The following WDR44 variants were observed in gnomAD, a reference collection of about 807,000 sequenced individuals.
WDR44 encodes the protein WD repeat domain 44, also known as WD repeat-containing protein 44.
In WDR44, 9 loss-of-function variants were observed where a neutral mutation model predicts 65.7. The ratio of observed to expected loss-of-function variants is 0.14; its 90% confidence interval spans 0.08 to 0.24. The LOEUF (loss-of-function observed/expected upper bound fraction) is 0.24. WDR44 is among the 10% of genes least tolerant of loss of function. WDR44 has a pLI of 1.00. For synonymous variants in WDR44, 220 were observed against 235.2 expected, an observed-to-expected ratio of 0.94 and a Z score of 0.59; for missense variants, 425 against 670.9, an observed-to-expected ratio of 0.63 and a Z score of 4.05.
chrX:118,417,605 G>A (rs981036691), intron 12 of WDR44, among the ~76,000 whole-genome samples: 2 of 111,872 alleles, frequency 1.8e-5, no homozygotes, highest in African/African-American at 6.5e-5. Flanking sequence ...TTGTCTCACA[G>A]CTCTTAAGAT....
At chrX:118,381,097 T>C (rs1250411100) in intron 2 of WDR44, among the ~76,000 whole-genome samples, 1 of 112,121 alleles carries the variant, frequency 8.9e-6, no homozygotes, top group African/African-American at 3.2e-5. Context: ...CATAATACTA[T>C]GTATACATGC....
chrX:118,396,790 A>T (rs2056869453), intron 6 of WDR44, among the ~76,000 whole-genome samples, 180 bp from the exon 7 acceptor site: 1 of 112,124 alleles, frequency 8.9e-6, no homozygotes, highest in East Asian at 2.8e-4. Flanking sequence ...TATATGCTTT[A>T]AATGAGTGCA....
At chrX:118,393,422 C>CA in intron 4 of WDR44, 151 bp downstream of exon 4, 1 of 584,189 alleles carries the variant, frequency 1.7e-6, no homozygotes, top group Admixed American at 3.9e-5. Context: ...TGAGCAACAA[C>CA]AACAAAAAAA....
In WDR44 at chrX:118,368,611, C is replaced by G. The variant is rs1192151388; in HGVS notation, c.78-9808C>G. Among the ~76,000 whole-genome samples the G allele has an allele frequency of 4.7e-5, 5 of 105,724 alleles. No homozygotes were observed. The East Asian group carries it at 1.2e-3, about 25-fold the overall frequency. 91.8% of individuals were successfully genotyped at this position (105,724 alleles called of 115,157 possible). ...ACCAAGGGCCTTTGGGAAAGGTTTGCATGACATCACAGGGCAGCTAGAGGG... is the reference window on the plus strand; with the variant it reads ...ACCAAGGGCCTTTGGGAAAGGTTTGGATGACATCACAGGGCAGCTAGAGGG... On this transcript the variant is annotated intron_variant, in intron 1 of 19. Transcript: ENST00000254029.
At chrX:118,376,442 T>C (rs2056660470) in intron 1 of WDR44, among the ~76,000 whole-genome samples, 1 of 111,640 alleles carries the variant, frequency 9.0e-6, no homozygotes, top group Non-Finnish European at 1.9e-5. Context: ...ACTTAATCTC[T>C]TGGAATCTCA....
At chrX:118,362,232 G>A (rs948966937) in intron 1 of WDR44, among the ~76,000 whole-genome samples, 1 of 112,131 alleles carries the variant, frequency 8.9e-6, no homozygotes, top group African/African-American at 3.2e-5. Flanking sequence ...TTTCTACTAC[G>A]CTTTTTGTAA....
intron 1 of WDR44, among the ~76,000 whole-genome samples, chrX:118,369,595 A>G (rs1453774133): frequency 5.7e-5 from 6 of 104,432 alleles, no homozygotes; most frequent in Non-Finnish European, 9.7e-5. Context: ...CAGCCTCCCG[A>G]GTAGCTGGGG....
chrX:118,442,529 A>G (rs371540285), intron 16 of WDR44, 36 bp from the exon 17 acceptor site: 18 of 1,150,308 alleles, frequency 1.6e-5, no homozygotes, highest in Middle Eastern at 2.4e-4. Context: ...GTACTAAAAG[A>G]TGATATTTTT....
At chrX:118,368,931 T>C (rs1262774823) in intron 1 of WDR44, among the ~76,000 whole-genome samples, 2 of 107,456 alleles carry the variant, frequency 1.9e-5, no homozygotes, top group Non-Finnish European at 3.8e-5. Flanking sequence ...TTTCGCCACA[T>C]TGGCCAGGCT....
At chrX:118,379,048 A>G (rs920795288) in intron 2 of WDR44, among the ~76,000 whole-genome samples, 6 of 109,504 alleles carry the variant, frequency 5.5e-5, no homozygotes, top group African/African-American at 2.0e-4. Context: ...CACCTCAAAA[A>G]AAAAAGCAAA....
At chrX:118,353,222 C>T (rs1395357278) in intron 1 of WDR44, among the ~76,000 whole-genome samples, 1 of 111,642 alleles carries the variant, frequency 9.0e-6, no homozygotes, top group Non-Finnish European at 1.9e-5. Context: ...TCCCTTATTT[C>T]AAACTCAGCA....
At chrX:118,398,097 CATG>C (rs1199945829) in intron 7 of WDR44, among the ~76,000 whole-genome samples, 3 of 111,302 alleles carry the variant, frequency 2.7e-5, no homozygotes, top group Admixed American at 9.6e-5. Context: ...ATTAGCCAGA[CATG>C]GTGGTGTGCG....
intron 19 of WDR44, among the ~76,000 whole-genome samples, chrX:118,445,728 A>G (rs1189318602): frequency 8.9e-6 from 1 of 112,301 alleles, no homozygotes; most frequent in African/African-American, 3.2e-5. Context: ...TTGAGTGCCA[A>G]TCAGTTATAT....
At chrX:118,386,419 A>AC (rs1170658098) in intron 2 of WDR44, 1 of 354,319 alleles carries the variant, frequency 2.8e-6, no homozygotes, top group Non-Finnish European at 5.5e-6. Context: ...ATATATATGT[A>AC]CGTATGTGTA....
In WDR44 at chrX:118,443,463, T is replaced by C. The variant is rs998412632; in HGVS notation, c.2385-97T>C. The C allele has an allele frequency of 3.3e-5, 33 of 1,014,253 alleles. No individual in the cohort carries two copies. In the African/African-American group the frequency reaches 4.9e-4, roughly 15 times the overall value. 83.6% of individuals were successfully genotyped at this position (1,014,253 alleles called of 1,213,427 possible). A position where few individuals can be genotyped will look rare whatever the true frequency, so the allele number is the denominator to read the frequency against. On this transcript the variant is annotated intron_variant, in intron 17 of 19. Transcript: ENST00000254029. The stretch of plus-strand genomic sequence containing the variant: ...ATTCAACAAGACCCTTCAAGTGTTA[T>C]TTTAGGTATCACAAAGTAGGAAGCA...
chrX:118,367,709 A>G (rs1378069137), intron 1 of WDR44, among the ~76,000 whole-genome samples: 1 of 111,757 alleles, frequency 8.9e-6, no homozygotes, highest in African/African-American at 3.3e-5. Context: ...GGTACATGGA[A>G]ACAATCAGTA....
intron 17 of WDR44, 36 bp from the exon 18 acceptor site, chrX:118,443,524 C>A: frequency 8.3e-7 from 1 of 1,198,546 alleles, no homozygotes; most frequent in Non-Finnish European, 1.1e-6. Context: ...TACACACACA[C>A]ATTTTATTTG....
chrX:118,391,755 A>G (rs1602911877), intron 3 of WDR44, among the ~76,000 whole-genome samples: 1 of 112,270 alleles, frequency 8.9e-6, no homozygotes, highest in Non-Finnish European at 1.9e-5. Flanking sequence ...AGGCTGAGGC[A>G]GGTGGATCAC....
chrX:118,385,924 T>C (rs902781448), intron 2 of WDR44, among the ~76,000 whole-genome samples: 1 of 111,018 alleles, frequency 9.0e-6, no homozygotes, highest in East Asian at 2.8e-4. Flanking sequence ...TTTTATCTAA[T>C]ACTTAAGAGT....
Sources: allele counts gnomAD v4.1 joint callset (sites outside exome capture counted in the v4.1 genomes callset), GRCh38; gene constraint gnomAD v4.1.1; transcripts MANE v1.5; gene names NCBI Gene and HGNC (gene_info 2026-07-23, HGNC 2026-07-21).